DGLUCY: variants seen among roughly 807,000 people sequenced by gnomAD.
DGLUCY encodes the protein D-glutamate cyclase, also known as D-glutamate cyclase, mitochondrial.
In DGLUCY, 58 loss-of-function variants were observed where a neutral mutation model predicts 58.5. The ratio of observed to expected loss-of-function variants is 0.99; its 90% CI spans 0.80 to 1.23. DGLUCY has a LOEUF of 1.23. Among genes scored for constraint, DGLUCY ranks in the 50% most tolerant of loss-of-function variants. The probability of loss-of-function intolerance (pLI) is 0.00; values close to 1 mark genes in which losing one functional copy is unlikely to be tolerated. For synonymous variants in DGLUCY, 325 were observed against 314.1 expected, an observed-to-expected ratio of 1.03 and a Z score of -0.37; for missense variants, 779 against 784.7, an observed-to-expected ratio of 0.99 and a Z score of 0.09.
intron 1 of DGLUCY, among the ~76,000 whole-genome samples, chr14:91,066,005 C>T (rs1360566710): frequency 2.6e-5 from 4 of 152,112 alleles, no homozygotes; most frequent in Non-Finnish European, 1.5e-5. Context: ...AGAGGTTGTC[C>T]AGCAAAAGGT....
chr14:91,126,159 C>G (rs2045666311), intron 1 of DGLUCY, among the ~76,000 whole-genome samples: 1 of 152,164 alleles, frequency 6.6e-6, no homozygotes, highest in East Asian at 1.9e-4. Context: ...TCCCAACTTA[C>G]TTGGTGGCTA....
rs369556172 is a variant in DGLUCY at position 91,131,410 on chromosome 14, A to G, written c.-82+17127A>G. On this transcript the variant is annotated intron_variant, in intron 1 of 13. Transcript: ENST00000256324. ...CTTTTTTTTTTGTCTTTTTATGGGCAATTTTATTCCATTTACATTCATTGT... is the reference window on the plus strand; with the variant it reads ...CTTTTTTTTTTGTCTTTTTATGGGCGATTTTATTCCATTTACATTCATTGT... 1.1e-4 allele frequency among the ~76,000 whole-genome samples: 16 copies of G among 151,290 alleles called. No individual in the cohort carries two copies. The East Asian group carries it at 1.9e-3, about 18-fold the overall frequency.
At chr14:91,083,983 C>A (rs923485757) in intron 1 of DGLUCY, among the ~76,000 whole-genome samples, 1 of 152,098 alleles carries the variant, frequency 6.6e-6, no homozygotes, top group Non-Finnish European at 1.5e-5. Flanking sequence ...TTCTTCTTTG[C>A]TGCTGCTGGT....
At chr14:91,187,359 C>A (rs1017381224) in intron 8 of DGLUCY, among the ~76,000 whole-genome samples, 1 of 152,214 alleles carries the variant, frequency 6.6e-6, no homozygotes, top group South Asian at 2.1e-4. Context: ...TCTCACGTCC[C>A]TTCAGTCCAC....
At chr14:91,124,932 T>C (rs1041396619) in intron 1 of DGLUCY, among the ~76,000 whole-genome samples, 3 of 152,240 alleles carry the variant, frequency 2.0e-5, no homozygotes, top group South Asian at 2.1e-4. Context: ...TCCAAGCAAG[T>C]ATTAGGTCAT....
At chr14:91,090,122 C>G (rs1269556036) in intron 1 of DGLUCY, among the ~76,000 whole-genome samples, 1 of 152,192 alleles carries the variant, frequency 6.6e-6, no homozygotes, top group Non-Finnish European at 1.5e-5. Context: ...TGCCCTAAAA[C>G]CCATTCCCCT....
intron 10 of DGLUCY, among the ~76,000 whole-genome samples, chr14:91,199,347 C>CA (rs2050410012): frequency 6.6e-6 from 1 of 151,906 alleles, no homozygotes; most frequent in Non-Finnish European, 1.5e-5. Flanking sequence ...GCAACCTCTG[C>CA]CTCCCGGGTT....
intron 12 of DGLUCY, among the ~76,000 whole-genome samples, chr14:91,214,262 T>C (rs1029561606): frequency 6.6e-6 from 1 of 152,202 alleles, no homozygotes. Context: ...CTGAGCAGAA[T>C]TGACCTCTCT....
chr14:91,177,147 C>T lies in DGLUCY; in HGVS notation c.730+1091C>T, dbSNP rs79130041. Reference sequence around the variant, plus strand: ...CCAGGTAGCTGGGACTACAGGCATACGCCGCCATACCAAACCAATTTTTAG... The same window carrying T: ...CCAGGTAGCTGGGACTACAGGCATATGCCGCCATACCAAACCAATTTTTAG... On this transcript the variant is annotated intron_variant, in intron 7 of 13. Transcript: ENST00000256324. 4.9e-3 allele frequency among the ~76,000 whole-genome samples: 744 copies of T among 152,186 alleles called. 4 individuals are homozygous for T. The highest frequency in any genetic ancestry group is 0.016 in the African/African-American group (655 of 41,530).
intron 1 of DGLUCY, among the ~76,000 whole-genome samples, chr14:91,071,731 G>C (rs765351604): frequency 1.8e-4 from 27 of 152,162 alleles, no homozygotes; most frequent in Admixed American, 8.5e-4. Flanking sequence ...AGTTGGGCGT[G>C]GTGGTGGGTG....
At position 91,099,090 on chromosome 14, in the gene DGLUCY, G is replaced by A. The variant is rs61989789; in HGVS notation, c.-82+38386G>A. Among the ~76,000 whole-genome samples, 1,120 of 152,296 alleles carry A rather than the reference G, an allele frequency of 7.4e-3. 7 individuals are homozygous for A. The highest frequency in any genetic ancestry group is 0.012 in the Non-Finnish European group (830 of 68,028). ...GGAGAATGAGAGAAGATGAAGAGCC[G>A]AAGAAAGGAGGCTGCTTGATGCAGG... On this transcript the variant is annotated intron_variant, in intron 1 of 4. Transcript: ENST00000521334.
At chr14:91,204,628 C>G in intron 11 of DGLUCY, 78 bp from the exon 12 acceptor site, 1 of 1,566,630 alleles carries the variant, frequency 6.4e-7, no homozygotes, top group Non-Finnish European at 8.7e-7. Flanking sequence ...GCAACAAGCA[C>G]ATGTAGGGCT....
intron 1 of DGLUCY, among the ~76,000 whole-genome samples, chr14:91,115,751 G>A (rs573546312): frequency 6.6e-6 from 1 of 152,200 alleles, no homozygotes; most frequent in African/African-American, 2.4e-5. Context: ...TCCAGCTGAG[G>A]GCTAGATCCC....
chr14:91,086,320 C>T (rs940189613), intron 1 of DGLUCY, among the ~76,000 whole-genome samples: 5 of 152,136 alleles, frequency 3.3e-5, no homozygotes, highest in Non-Finnish European at 5.9e-5. Context: ...AAACCATCCC[C>T]GACCCCCTGC....
At chr14:91,217,769 T>C (rs576911404) in intron 13 of DGLUCY, among the ~76,000 whole-genome samples, 1 of 152,256 alleles carries the variant, frequency 6.6e-6, no homozygotes, top group Non-Finnish European at 1.5e-5. Flanking sequence ...ATTCCAGGCG[T>C]GAGCCACCAC....
chr14:91,095,073 G>A (rs919280547), intron 1 of DGLUCY, among the ~76,000 whole-genome samples: 15 of 152,150 alleles, frequency 9.9e-5, no homozygotes, highest in African/African-American at 3.6e-4. Flanking sequence ...CTCTGGTCAT[G>A]AGACAGCACC....
At chr14:91,064,322 G>A (rs1428113741) in intron 1 of DGLUCY, among the ~76,000 whole-genome samples, 2 of 152,082 alleles carry the variant, frequency 1.3e-5, no homozygotes, top group African/African-American at 4.8e-5. Context: ...TGAGGCCAGA[G>A]GTACGAATGA....
At chr14:91,151,157 T>C (rs2047316239) in intron 1 of DGLUCY, among the ~76,000 whole-genome samples, 1 of 152,272 alleles carries the variant, frequency 6.6e-6, no homozygotes, top group Admixed American at 6.5e-5. Context: ...CCTTCCTTTT[T>C]AAGGCTGAAG....
At chr14:91,189,247 A>C (rs1050732496) in intron 9 of DGLUCY, 77 bp downstream of exon 9, 9 of 1,552,188 alleles carry the variant, frequency 5.8e-6, no homozygotes, top group Non-Finnish European at 7.9e-6. Context: ...CAGCATCTGC[A>C]GTACAGAGCA....
Sources: allele counts gnomAD v4.1 joint callset (sites outside exome capture counted in the v4.1 genomes callset), GRCh38; gene constraint gnomAD v4.1.1; transcripts MANE v1.5; gene names NCBI Gene and HGNC (gene_info 2026-07-23, HGNC 2026-07-21).